ABLIM2: variants seen among roughly 807,000 people sequenced by gnomAD.
The protein encoded by ABLIM2 is actin binding LIM protein family member 2.
ABLIM2 carries 53 observed loss-of-function variants against 97.7 expected under a neutral mutation model. The ratio of observed to expected loss-of-function variants is 0.54; its 90% CI spans 0.44 to 0.68. The LOEUF is 0.68. Ranked by LOEUF, ABLIM2 falls within the 30% of genes least tolerant of loss-of-function variation. The pLI, the probability that ABLIM2 is intolerant of heterozygous loss-of-function variation, is 0.00. For synonymous variants in ABLIM2, 361 were observed against 345.8 expected (o/e 1.04, Z -0.49); for missense variants, 835 against 867.2 (o/e 0.96, Z 0.47).
At position 7,998,688 on chromosome 4, in the gene ABLIM2, T is replaced by C. The variant is rs868836194; in HGVS notation, c.1619-5761A>G. On this transcript the variant is annotated intron_variant, in intron 16 of 20. Transcript: ENST00000447017. This position sits in a 1 kb window ranked among gnomAD's most constrained non-coding sequence, Gnocchi z 6.4. The stretch of plus-strand genomic sequence containing the variant: ...TTGCCACCACATGGGAGGCTGGGAG[T>C]CTGCAGGTCTGGGCCACCTCCTGCC... The C allele has an allele frequency of 1.6e-5, 8 of 506,404 alleles. No individual in the cohort carries two copies. In the Middle Eastern group the frequency reaches 2.6e-3, roughly 163 times the overall value. 31.4% of individuals were successfully genotyped at this position (506,404 alleles called of 1,614,324 possible). A position where few individuals can be genotyped will look rare whatever the true frequency, so the allele number is the denominator to read the frequency against.
chr4:7,988,905 A>T (rs1746478205), intron 17 of ABLIM2, among the ~76,000 whole-genome samples: 1 of 152,176 alleles, frequency 6.6e-6, no homozygotes, highest in African/African-American at 2.4e-5. Flanking sequence ...AAATTTGTTA[A>T]TGCTTGTCTT....
chr4:7,973,467 C>G (rs1729937426), intron 20 of ABLIM2, among the ~76,000 whole-genome samples: 1 of 150,710 alleles, frequency 6.6e-6, no homozygotes, highest in African/African-American at 2.4e-5. Flanking sequence ...TGCCACTGCA[C>G]TCCAGTCTGG....
intron 3 of ABLIM2, among the ~76,000 whole-genome samples, chr4:8,094,749 G>A (rs559272609): frequency 1.5e-4 from 23 of 152,218 alleles, no homozygotes; most frequent in African/African-American, 5.5e-4. Flanking sequence ...CAATATGAGG[G>A]GTGGTCTCCT....
Position 8,033,039 on chromosome 4 carries a change from C to T in ABLIM2, c.1047+3110G>A, listed in dbSNP as rs570105600. ...CACAGGCAGCAACATCCTGAGGGCC[C>T]ATCACCTCGGTTTTCTCTGGACAAG... On this transcript the variant is annotated intron_variant, in intron 10 of 20. Coordinates refer to ENST00000447017, the MANE Select transcript of ABLIM2 (RefSeq NM_001130083.2). The surrounding 1 kb of genome is among the most constrained non-coding windows in gnomAD (Gnocchi z 4.5). 1.4e-4 allele frequency among the ~76,000 whole-genome samples: 21 copies of T among 152,300 alleles called. No homozygotes were observed. The highest frequency in any genetic ancestry group is 4.8e-4 in the African/African-American group (20 of 41,566).
intron 10 of ABLIM2, among the ~76,000 whole-genome samples, chr4:8,035,154 G>T (rs1401542988): frequency 1.3e-5 from 2 of 151,862 alleles, no homozygotes; most frequent in African/African-American, 4.8e-5. Context: ...CCCCCCACTG[G>T]TCCCTCTCAT....
At position 8,158,794 on chromosome 4, in the gene ABLIM2, CG is replaced by C. The variant is rs1334784175; in HGVS notation, c.-106del. 1.2e-5 allele frequency: 13 copies of C among 1,079,210 alleles called. No homozygotes were observed. Among genetic ancestry groups the C allele is most frequent in the Non-Finnish European group, 1.4e-5 (12 of 856,384 alleles). The allele number at this position is 1,079,210 out of a possible 1,614,324, so 66.9% of individuals were successfully genotyped here. ...ATCCTCCGCCCGCCCGCCGGCTCCGCGCCCGCTCCTTGCGCACACGCCAGGC... is the reference window on the plus strand; with the variant it reads ...ATCCTCCGCCCGCCCGCCGGCTCCGCCCCGCTCCTTGCGCACACGCCAGGC... On this transcript the variant is annotated 5_prime_UTR_variant, in exon 1 of 21. Transcript: ENST00000447017.
At chr4:7,981,212 G>A (rs1738110320) in intron 20 of ABLIM2, among the ~76,000 whole-genome samples, 1 of 151,810 alleles carries the variant, frequency 6.6e-6, no homozygotes, top group Admixed American at 6.6e-5. Context: ...CAAAGTGCTG[G>A]GATTACAGGC....
At position 8,054,698 on chromosome 4, in the gene ABLIM2, G is replaced by A. The variant is rs1020965385; in HGVS notation, c.764-452C>T. Among the ~76,000 whole-genome samples the A allele has an allele frequency of 7.2e-5, 11 of 152,210 alleles. No homozygotes were observed. The highest frequency in any genetic ancestry group is 3.2e-3 in the Middle Eastern group (1 of 316). On this transcript the variant is annotated intron_variant, in intron 7 of 20. Transcript: ENST00000447017. This position sits in a 1 kb window ranked among gnomAD's most constrained non-coding sequence, Gnocchi z 4.9. ...AGCTGGTGCTGCAACCTGGGTGGGA[G>A]CCAGCCTTGGGGAGGAGGACTTGCA...
At chr4:8,111,407 C>T (rs182056475) in intron 1 of ABLIM2, among the ~76,000 whole-genome samples, 12 of 152,350 alleles carry the variant, frequency 7.9e-5, no homozygotes, top group Admixed American at 7.8e-4. Flanking sequence ...ATCCACGACA[C>T]TGTACATTTG....
chr4:7,983,495 C>A lies in ABLIM2; in HGVS notation c.1743+52G>T, dbSNP rs998548162. 2.5e-6 allele frequency: 4 copies of A among 1,609,936 alleles called. No individual in the cohort carries two copies. The African/African-American group carries it at 5.3e-5, about 21-fold the overall frequency. On this transcript the variant is annotated intron_variant, in intron 19 of 20. Coordinates refer to ENST00000447017, the MANE Select transcript of ABLIM2 (RefSeq NM_001130083.2). ...AAGCACAACAGAAAGGACTTTTAAC[C>A]TGGGCAGGTGTGGCGCGGCACGGAG...
At chr4:8,109,991 G>T (rs59302092) in intron 1 of ABLIM2, among the ~76,000 whole-genome samples, 7 of 152,220 alleles carry the variant, frequency 4.6e-5, no homozygotes, top group African/African-American at 1.7e-4. Flanking sequence ...ATGGTGGGGA[G>T]GGTACAGCAG....
At chr4:8,153,455 C>T (rs566707917) in intron 1 of ABLIM2, among the ~76,000 whole-genome samples, 30 of 152,300 alleles carry the variant, frequency 2.0e-4, no homozygotes, top group South Asian at 6.2e-4. Context: ...CCAGGTTAAG[C>T]GGAGACTGCC....
At chr4:8,035,149 C>G (rs943333930) in intron 10 of ABLIM2, among the ~76,000 whole-genome samples, 1 of 151,854 alleles carries the variant, frequency 6.6e-6, no homozygotes, top group African/African-American at 2.4e-5. Context: ...CAGCTCCCCC[C>G]ACTGGTCCCT....
intron 9 of ABLIM2, among the ~76,000 whole-genome samples, chr4:8,037,328 A>G (rs1442343802): frequency 2.4e-5 from 3 of 126,300 alleles, no homozygotes; most frequent in Admixed American, 8.4e-5. Flanking sequence ...GCACACATGC[A>G]CACACATGCA....
rs1208836707 is a variant in ABLIM2, at chr4:8,127,959, G to A, written c.11-21322C>T. 6.6e-6 allele frequency among the ~76,000 whole-genome samples: 1 copy of A among 152,212 alleles called. No homozygotes were observed. The highest frequency in any genetic ancestry group is 1.5e-5 in the Non-Finnish European group (1 of 68,038). The stretch of plus-strand genomic sequence containing the variant: ...ACAGCCCCGCGTGCTGGGAGTGACA[G>A]CCTGCACCAGGGTTCCCTGAAATGG... On this transcript the variant is annotated intron_variant, in intron 1 of 20. Coordinates refer to ENST00000447017, the MANE Select transcript of ABLIM2 (RefSeq NM_001130083.2). The surrounding 1 kb of genome is among the most constrained non-coding windows in gnomAD (Gnocchi z 7.3).
At chr4:8,040,032 C>A (rs1466234937) in intron 9 of ABLIM2, among the ~76,000 whole-genome samples, 3 of 152,174 alleles carry the variant, frequency 2.0e-5, no homozygotes, top group Non-Finnish European at 2.9e-5. Flanking sequence ...CCAGTCCCTG[C>A]CCGCCAAGCC....
At chr4:8,062,212 C>T (rs920274128) in intron 6 of ABLIM2, among the ~76,000 whole-genome samples, 4 of 152,204 alleles carry the variant, frequency 2.6e-5, no homozygotes, top group Non-Finnish European at 5.9e-5. Context: ...TGGGCATTCA[C>T]AGCCCCATTT....
intron 3 of ABLIM2, among the ~76,000 whole-genome samples, chr4:8,096,237 G>A (rs545485646): frequency 6.6e-6 from 1 of 152,318 alleles, no homozygotes; most frequent in East Asian, 1.9e-4. Flanking sequence ...ATTTTGTCCA[G>A]TTTCCTAGTT....
rs1813286599 is a variant in ABLIM2 at position 8,072,955 on chromosome 4, GGA to G, written c.675+4671_675+4672del. Among the ~76,000 whole-genome samples the G allele has an allele frequency of 6.6e-6, 1 of 152,140 alleles. No individual in the cohort carries two copies. The highest frequency in any genetic ancestry group is 1.5e-5 in the Non-Finnish European group (1 of 68,032). On this transcript the variant is annotated intron_variant, in intron 6 of 20. Transcript: ENST00000447017. This position sits in a 1 kb window ranked among gnomAD's most constrained non-coding sequence, Gnocchi z 5.8. ...AGCCCCCGGATCTGCAGAAGAGCAG[GGA>G]GAGTACAGGTGGAGGAGCACAGAGA... is the stretch of plus-strand genomic sequence containing the variant.
Sources: allele counts gnomAD v4.1 joint callset (sites outside exome capture counted in the v4.1 genomes callset), GRCh38; gene constraint gnomAD v4.1.1; non-coding constraint Gnocchi (gnomAD v3.1); transcripts MANE v1.5; gene names NCBI Gene and HGNC (gene_info 2026-07-23, HGNC 2026-07-21).